OSBPL11: variants seen among roughly 807,000 people sequenced by gnomAD.
OSBPL11 encodes the protein oxysterol binding protein like 11.
A neutral mutation model predicts 84.4 loss-of-function variants in OSBPL11; 33 were observed. That is an observed-to-expected ratio of 0.39 (90% confidence interval 0.30 to 0.52). OSBPL11 has a LOEUF of 0.52. Among genes scored for constraint, OSBPL11 ranks in the 20% least tolerant of loss-of-function variants. OSBPL11 has a pLI of 0.72. For missense variants in OSBPL11, 736 were observed against 901.1 expected, an observed-to-expected ratio of 0.82 and a Z score of 2.35; for synonymous variants, 276 against 310.2, an observed-to-expected ratio of 0.89 and a Z score of 1.16.
chr3:125,547,369 A>G, intron 10 of OSBPL11, 37 bp downstream of exon 10: 1 of 1,552,976 alleles, frequency 6.4e-7, no homozygotes, highest in Non-Finnish European at 8.8e-7. Context: ...ATCAAAGTGG[A>G]AGAATAAGAA....
chr3:125,576,119 T>G (rs2107607105), intron 5 of OSBPL11, 70 bp downstream of exon 5: 2 of 1,420,864 alleles, frequency 1.4e-6, no homozygotes, highest in East Asian at 4.7e-5. Flanking sequence ...AGTATTTAAG[T>G]TTTTTTGTGA....
At chr3:125,543,726 C>T (rs1314210892) in intron 10 of OSBPL11, among the ~76,000 whole-genome samples, 1 of 151,976 alleles carries the variant, frequency 6.6e-6, no homozygotes, top group South Asian at 2.1e-4. Flanking sequence ...CATGGCGAAA[C>T]CCCGTCTCTA....
chr3:125,541,612 C>T (rs1441338182), intron 10 of OSBPL11, among the ~76,000 whole-genome samples: 1 of 152,168 alleles, frequency 6.6e-6, no homozygotes, highest in Non-Finnish European at 1.5e-5. Flanking sequence ...AAGTCCTGCT[C>T]CGTCACCCAG....
chr3:125,574,695 T>C (rs970476584), intron 5 of OSBPL11, among the ~76,000 whole-genome samples: 1 of 152,208 alleles, frequency 6.6e-6, no homozygotes, highest in African/African-American at 2.4e-5. Context: ...CTGGTATATC[T>C]GACAGCTTCC....
chr3:125,594,923 C>G lies in OSBPL11; in HGVS notation c.-123G>C. The G allele has an allele frequency of 1.8e-6, 2 of 1,093,714 alleles. No homozygotes were observed. Among genetic ancestry groups the G allele is most frequent in the South Asian group, 1.7e-5 (1 of 60,386 alleles). The allele number at this position is 1,093,714 out of a possible 1,614,324, so 67.8% of individuals were successfully genotyped here. A position where few individuals can be genotyped will look rare whatever the true frequency, so the allele number is the denominator to read the frequency against. On this transcript the variant is annotated 5_prime_UTR_variant, in exon 1 of 13. Coordinates refer to ENST00000296220, the MANE Select transcript of OSBPL11 (RefSeq NM_022776.5). Reference sequence around the variant, plus strand: ...TACCGGTTGCTAAATCACACGGCGGCTGGGGCGGGACTGTCAAATGGTCCA... The same window carrying G: ...TACCGGTTGCTAAATCACACGGCGGGTGGGGCGGGACTGTCAAATGGTCCA...
chr3:125,532,707 C>T (rs552182832), intron 11 of OSBPL11, among the ~76,000 whole-genome samples: 70 of 151,708 alleles, frequency 4.6e-4, no homozygotes, highest in African/African-American at 1.7e-3. Flanking sequence ...CATAAAACTA[C>T]CATAAACCCA....
chr3:125,575,295 A>G (rs938801907), intron 5 of OSBPL11, among the ~76,000 whole-genome samples: 6 of 152,172 alleles, frequency 3.9e-5, no homozygotes, highest in African/African-American at 7.2e-5. Context: ...ATAAGGCAAC[A>G]TCAAAGATTT....
chr3:125,563,657 C>G (rs1936109815), intron 7 of OSBPL11, 41 bp downstream of exon 7: 2 of 1,604,278 alleles, frequency 1.2e-6, no homozygotes, highest in East Asian at 2.2e-5. Context: ...TCAGTGATAC[C>G]TAATTTTTCA....
Position 125,529,232 on chromosome 3 carries a change from C to T in OSBPL11, c.*1283G>A, listed in dbSNP as rs961148684. On this transcript the variant is annotated 3_prime_UTR_variant, in exon 13 of 13. Coordinates refer to ENST00000296220, the MANE Select transcript of OSBPL11 (RefSeq NM_022776.5). ...ACTCTTGGGAAATTAAGGTAGCTTG[C>T]AGTAACAAGTGTTGAGCACCATAAT... 1.3e-5 allele frequency: 2 copies of T among 152,562 alleles called. No homozygotes were observed. The highest frequency in any genetic ancestry group is 2.9e-5 in the Non-Finnish European group (2 of 68,006). 9.5% of individuals were successfully genotyped at this position (152,562 alleles called of 1,614,324 possible). A position where few individuals can be genotyped will look rare whatever the true frequency, so the allele number is the denominator to read the frequency against.
chr3:125,554,161 A>T (rs1426167003), intron 8 of OSBPL11, among the ~76,000 whole-genome samples: 1 of 152,236 alleles, frequency 6.6e-6, no homozygotes, highest in Non-Finnish European at 1.5e-5. Context: ...CTTGGACCTC[A>T]AAGTCTAGAG....
intron 6 of OSBPL11, among the ~76,000 whole-genome samples, chr3:125,564,906 C>T (rs1049821993): frequency 9.2e-5 from 14 of 152,344 alleles, no homozygotes; most frequent in Middle Eastern, 3.4e-3. Context: ...CTGCCTGACT[C>T]CGCATCCCAA....
At chr3:125,554,284 T>A (rs560973367) in intron 8 of OSBPL11, among the ~76,000 whole-genome samples, 1 of 152,334 alleles carries the variant, frequency 6.6e-6, no homozygotes, top group Non-Finnish European at 1.5e-5. Context: ...TAACTCCATA[T>A]AAACTAAACG....
intron 5 of OSBPL11, among the ~76,000 whole-genome samples, chr3:125,570,700 TTCTC>T (rs1263974937): frequency 6.6e-6 from 1 of 152,094 alleles, no homozygotes; most frequent in Non-Finnish European, 1.5e-5. Flanking sequence ...CCTGCACAAG[TTCTC>T]TCTCTTTGCC....
In OSBPL11 at chr3:125,563,693, C is replaced by T. The variant is rs200884879; in HGVS notation, c.1014+5G>A. 3 of 1,613,634 alleles carry T rather than the reference C, an allele frequency of 1.9e-6. No homozygotes were observed. Among genetic ancestry groups the T allele is most frequent in the East Asian group, 4.5e-5 (2 of 44,880 alleles). ...CATCAAAATCATATTTTTATATTAC[C>T]TTACCCTCGCTAATAGTCCAGATTC... is the stretch of plus-strand genomic sequence containing the variant. On this transcript the variant is annotated splice_donor_5th_base_variant and intron_variant, in intron 7 of 12. Transcript: ENST00000296220.
At chr3:125,555,207 A>G (rs1243423334) in intron 8 of OSBPL11, among the ~76,000 whole-genome samples, 5 of 152,124 alleles carry the variant, frequency 3.3e-5, no homozygotes, top group South Asian at 2.1e-4. Context: ...TCGGACTCCA[A>G]GTTCTTCGCT....
chr3:125,559,184 A>T (rs2107598775), intron 8 of OSBPL11, among the ~76,000 whole-genome samples: 1 of 152,100 alleles, frequency 6.6e-6, no homozygotes, highest in East Asian at 1.9e-4. Context: ...AAGTCTGCAG[A>T]CTCCTGTTAT....
chr3:125,581,693 C>G (rs1348681379), intron 2 of OSBPL11, among the ~76,000 whole-genome samples: 1 of 84,288 alleles, frequency 1.2e-5, no homozygotes, highest in East Asian at 3.0e-4. Flanking sequence ...GAGACTCCAT[C>G]TCAAAAAAAA....
chr3:125,552,353 C>G lies in OSBPL11; in HGVS notation c.1482G>C (p.Gln494His), dbSNP rs1183363733. The G allele has an allele frequency of 5.0e-6, 8 of 1,614,080 alleles. No homozygotes were observed. Among genetic ancestry groups the G allele is most frequent in the Non-Finnish European group, 6.8e-6 (8 of 1,180,018 alleles). ...HAPLSGESLT[Q>H]VGSDCYTVRF... ...TGACTGTGTAACAGTCTGATCCCAC[C>G]TGGGTCAAAGACTCCCCCGATAAAG... The change falls in exon 9 of 13, where the codon CAG (glutamine) becomes CAC (histidine). Residue 494 changes from glutamine to histidine, a missense_variant. Physicochemically the swap from Gln to His is conservative, Grantham distance 24. Coordinates refer to ENST00000296220, the MANE Select transcript of OSBPL11 (RefSeq NM_022776.5).
chr3:125,572,849 ATATATATT>A (rs975926432), intron 5 of OSBPL11, among the ~76,000 whole-genome samples: 291 of 146,288 alleles, frequency 2.0e-3, no homozygotes, highest in Middle Eastern at 0.014. Flanking sequence ...TATTTTATTT[ATATATATT>A]TATATATTTA....
Sources: allele counts gnomAD v4.1 joint callset (sites outside exome capture counted in the v4.1 genomes callset), GRCh38; gene constraint gnomAD v4.1.1; transcripts MANE v1.5; gene names NCBI Gene and HGNC (gene_info 2026-07-23, HGNC 2026-07-21).